Variants in P3H2 observed in about 807,000 individuals in gnomAD.
P3H2 encodes prolyl 3-hydroxylase 2, also known as leprecan-like 1.
P3H2 carries 80 observed loss-of-function variants against 87.0 expected under a neutral mutation model. The observed-to-expected ratio is 0.92, with a 90% CI of 0.77 to 1.11. The LOEUF (loss-of-function observed/expected upper bound fraction) is 1.11. Ranked by LOEUF, P3H2 falls within the 50% of genes least tolerant of loss-of-function variation. The probability of loss-of-function intolerance (pLI) is 0.00; values close to 1 mark genes in which losing one functional copy is unlikely to be tolerated. For missense variants in P3H2, 1,001 were observed against 923.9 expected (o/e 1.08, Z -1.08); for synonymous variants, 367 against 359.3 (o/e 1.02, Z -0.24).
intron 1 of P3H2, among the ~76,000 whole-genome samples, chr3:190,038,439 C>G (rs181768626): frequency 1.1e-4 from 16 of 145,370 alleles, no homozygotes; most frequent in Admixed American, 9.3e-4. Flanking sequence ...CAGGTGTCCT[C>G]CTAGATAAAA....
chr3:190,073,215 G>A (rs1017323886), intron 1 of P3H2, among the ~76,000 whole-genome samples: 1 of 152,108 alleles, frequency 6.6e-6, no homozygotes, highest in African/African-American at 2.4e-5. Flanking sequence ...GCTTTTCTGT[G>A]TGTCTGTTAT....
At chr3:189,986,255 T>C (rs565936609) in intron 6 of P3H2, among the ~76,000 whole-genome samples, 11 of 152,332 alleles carry the variant, frequency 7.2e-5, no homozygotes, top group African/African-American at 1.2e-4. Context: ...CTTGTTAATA[T>C]GGAATGACTG....
intron 1 of P3H2, among the ~76,000 whole-genome samples, chr3:190,053,618 C>T (rs1343273473): frequency 2.0e-5 from 3 of 151,738 alleles, no homozygotes; most frequent in Admixed American, 2.0e-4. Context: ...CCACCATGCC[C>T]GGCTAATTTT....
intron 13 of P3H2, among the ~76,000 whole-genome samples, chr3:189,965,575 C>T (rs973251223): frequency 3.9e-5 from 6 of 152,166 alleles, no homozygotes; most frequent in East Asian, 3.8e-4. Flanking sequence ...AGAGAGTTCA[C>T]GAGTTAGTCG....
chr3:190,109,778 CA>C, intron 1 of P3H2, among the ~76,000 whole-genome samples: 1 of 150,876 alleles, frequency 6.6e-6, no homozygotes, highest in East Asian at 1.9e-4. Flanking sequence ...CATCAGTGGG[CA>C]AACTGCCTTC....
intron 1 of P3H2, among the ~76,000 whole-genome samples, chr3:190,091,810 TAC>T (rs1727417089): frequency 6.6e-6 from 1 of 152,210 alleles, no homozygotes; most frequent in Admixed American, 6.5e-5. Context: ...TAGGAAATGT[TAC>T]ATGCAAAGAG....
intron 1 of P3H2, among the ~76,000 whole-genome samples, chr3:190,003,509 A>AC (rs1441686991): frequency 6.6e-6 from 1 of 152,088 alleles, no homozygotes; most frequent in Non-Finnish European, 1.5e-5. Flanking sequence ...AAAAAAAAAA[A>AC]AACTATCTAA....
In P3H2 at chr3:190,084,476, G is replaced by A. The variant is rs182002196; in HGVS notation, c.480+35776C>T. On this transcript the variant is annotated intron_variant, in intron 1 of 14. Transcript: ENST00000319332. ...AGACATACCTTTAGTCTTAGCTCAC[G>A]TTACTTCCAAGACCTAAACGCACAT... 1.9e-4 allele frequency among the ~76,000 whole-genome samples: 29 copies of A among 152,198 alleles called. 1 individual carries two copies. Among genetic ancestry groups the A allele is most frequent in the Non-Finnish European group, 3.8e-4 (26 of 68,006 alleles).
chr3:190,086,531 G>A (rs550037535), intron 1 of P3H2, among the ~76,000 whole-genome samples: 1 of 152,310 alleles, frequency 6.6e-6, no homozygotes, highest in East Asian at 1.9e-4. Flanking sequence ...AGAAGCCTCA[G>A]AATTGATTAG....
intron 8 of P3H2, among the ~76,000 whole-genome samples, chr3:189,981,339 C>T (rs1560346869): frequency 6.6e-6 from 1 of 152,138 alleles, no homozygotes; most frequent in East Asian, 1.9e-4. Flanking sequence ...GACACTATTT[C>T]CAGACAGACA....
chr3:190,116,350 C>T (rs1366583984), intron 1 of P3H2, among the ~76,000 whole-genome samples: 1 of 152,182 alleles, frequency 6.6e-6, no homozygotes, highest in East Asian at 1.9e-4. Context: ...ATCTCTTAAA[C>T]TTAACTTAAA....
intron 1 of P3H2, among the ~76,000 whole-genome samples, chr3:190,090,649 G>T (rs1727379896): frequency 6.6e-6 from 1 of 151,938 alleles, no homozygotes. Flanking sequence ...CTTGCAGTGA[G>T]CCCAGATTGT....
chr3:190,039,308 T>C (rs2108953314), intron 1 of P3H2, among the ~76,000 whole-genome samples: 1 of 148,968 alleles, frequency 6.7e-6, no homozygotes, highest in Middle Eastern at 3.4e-3. Flanking sequence ...CCAGCCATAG[T>C]TAAATGGCAA....
At chr3:190,029,448 A>G (rs1294817174) in intron 1 of P3H2, among the ~76,000 whole-genome samples, 3 of 152,096 alleles carry the variant, frequency 2.0e-5, no homozygotes, top group African/African-American at 7.2e-5. Context: ...GGCTGTCACA[A>G]CTGATAATCC....
At chr3:189,972,839 G>T in intron 11 of P3H2, 35 bp downstream of exon 11, 1 of 1,610,180 alleles carries the variant, frequency 6.2e-7, no homozygotes, top group South Asian at 1.1e-5. Flanking sequence ...AATGTATTGT[G>T]GGTAAAAGGG....
intron 1 of P3H2, among the ~76,000 whole-genome samples, chr3:190,067,007 CTTTCT>C (rs1465158482): frequency 2.1e-5 from 3 of 145,110 alleles, no homozygotes; most frequent in African/African-American, 5.3e-5. Context: ...TTTTAATTTT[CTTTCT>C]TTTTTTTTTT....
intron 14 of P3H2, among the ~76,000 whole-genome samples, chr3:189,961,467 C>T (rs1484760024): frequency 6.6e-6 from 1 of 152,128 alleles, no homozygotes; most frequent in African/African-American, 2.4e-5. Context: ...GCATGAGAAT[C>T]GGCCAGCTCT....
chr3:190,012,999 C>T (rs1370363285), intron 1 of P3H2, among the ~76,000 whole-genome samples: 2 of 152,204 alleles, frequency 1.3e-5, no homozygotes, highest in African/African-American at 4.8e-5. Flanking sequence ...CTTCTTGGCA[C>T]ACCTTGGGCT....
Position 190,082,223 on chromosome 3 carries a change from T to C in P3H2, c.480+38029A>G, listed in dbSNP as rs113762622. On this transcript the variant is annotated intron_variant, in intron 1 of 14. Coordinates refer to ENST00000319332, the MANE Select transcript of P3H2 (RefSeq NM_018192.4). ...GTGAGCTGAGATCACGCCTCTGCAC[T>C]CCAGCCTGAGTGACAGAACAACATT... 6.3e-3 allele frequency among the ~76,000 whole-genome samples: 959 copies of C among 152,224 alleles called. 13 individuals are homozygous for C. Among genetic ancestry groups the C allele is most frequent in the African/African-American group, 0.022 (903 of 41,526 alleles).
Sources: allele counts gnomAD v4.1 joint callset (sites outside exome capture counted in the v4.1 genomes callset), GRCh38; gene constraint gnomAD v4.1.1; transcripts MANE v1.5; gene names NCBI Gene and HGNC (gene_info 2026-07-23, HGNC 2026-07-21).